The following MITF variants were observed in gnomAD, a reference collection of about 807,000 sequenced individuals.
MITF encodes the protein microphthalmia-associated transcription factor.
MITF carries 17 observed loss-of-function variants against 60.5 expected under a neutral mutation model. The ratio of observed to expected loss-of-function variants is 0.28; its 90% CI spans 0.19 to 0.42. The LOEUF (loss-of-function observed/expected upper bound fraction) is 0.42, where lower values mean the gene tolerates loss of function less well. Among genes scored for constraint, MITF ranks in the 10% least tolerant of loss-of-function variants. The probability of loss-of-function intolerance (pLI) is 1.00; values close to 1 mark genes in which losing one functional copy is unlikely to be tolerated. For missense variants in MITF, 622 were observed against 683.5 expected (o/e 0.91, Z 1.00); for synonymous variants, 260 against 248.5 (o/e 1.05, Z -0.43).
At chr3:69,776,814 A>G (rs755488047) in intron 1 of MITF, among the ~76,000 whole-genome samples, 2 of 152,202 alleles carry the variant, frequency 1.3e-5, no homozygotes, top group Non-Finnish European at 2.9e-5. Flanking sequence ...ACTCATAGCA[A>G]AGACTTTTCT....
chr3:69,827,793 T>A (rs548400705), intron 1 of MITF, among the ~76,000 whole-genome samples: 1 of 152,182 alleles, frequency 6.6e-6, no homozygotes, highest in Non-Finnish European at 1.5e-5. Flanking sequence ...ATGCACAAGA[T>A]ATACAGAAGA....
intron 1 of MITF, among the ~76,000 whole-genome samples, chr3:69,846,982 A>G (rs147808537): frequency 6.6e-6 from 1 of 151,990 alleles, no homozygotes; most frequent in African/African-American, 2.4e-5. Context: ...ACTTAGCAAG[A>G]CACATCTACA....
At chr3:69,869,767 G>T (rs1259770486) in intron 1 of MITF, among the ~76,000 whole-genome samples, 1 of 152,092 alleles carries the variant, frequency 6.6e-6, no homozygotes. Flanking sequence ...CAGCACAACT[G>T]CTTTGTCATA....
intron 1 of MITF, among the ~76,000 whole-genome samples, chr3:69,745,894 G>A (rs971531677): frequency 1.3e-5 from 2 of 152,184 alleles, no homozygotes; most frequent in Non-Finnish European, 1.5e-5. Flanking sequence ...ATGTATAAAT[G>A]TGTTTAACAT....
intron 1 of MITF, among the ~76,000 whole-genome samples, chr3:69,873,496 T>C (rs1180468984): frequency 1.3e-5 from 2 of 152,212 alleles, no homozygotes; most frequent in Non-Finnish European, 2.9e-5. Flanking sequence ...TATCAGTTCC[T>C]TTCATTTATG....
At chr3:69,793,369 A>C (rs975635328) in intron 1 of MITF, among the ~76,000 whole-genome samples, 1 of 152,132 alleles carries the variant, frequency 6.6e-6, no homozygotes, top group Non-Finnish European at 1.5e-5. Flanking sequence ...ATAGCTATCT[A>C]TGCTGTATAG....
At chr3:69,903,545 G>T (rs1559709229) in intron 2 of MITF, among the ~76,000 whole-genome samples, 1 of 152,132 alleles carries the variant, frequency 6.6e-6, no homozygotes, top group Non-Finnish European at 1.5e-5. Context: ...AGGTCATGAG[G>T]TAGCTAGGGT....
intron 1 of MITF, among the ~76,000 whole-genome samples, chr3:69,856,782 C>G (rs571839795): frequency 6.0e-5 from 9 of 151,192 alleles, no homozygotes; most frequent in Admixed American, 1.3e-4. Flanking sequence ...CTTTTTTTTT[C>G]TTCCTTGTAA....
At chr3:69,947,717 C>T (rs1220847549) in intron 5 of MITF, among the ~76,000 whole-genome samples, 3 of 152,100 alleles carry the variant, frequency 2.0e-5, no homozygotes, top group Non-Finnish European at 4.4e-5. Flanking sequence ...CTGCCTACCC[C>T]AATTCTGTTC....
At chr3:69,782,482 G>C (rs1398952040) in intron 1 of MITF, among the ~76,000 whole-genome samples, 1 of 152,098 alleles carries the variant, frequency 6.6e-6, no homozygotes, top group Admixed American at 6.6e-5. Flanking sequence ...CCATTTAATT[G>C]ATGAGAACAC....
At chr3:69,814,363 C>T (rs2063147788) in intron 1 of MITF, among the ~76,000 whole-genome samples, 1 of 152,142 alleles carries the variant, frequency 6.6e-6, no homozygotes, top group Non-Finnish European at 1.5e-5. Flanking sequence ...TGATCTCATT[C>T]TGTCACCTAG....
chr3:69,895,525 A>G (rs2107331780), intron 2 of MITF, among the ~76,000 whole-genome samples: 1 of 152,098 alleles, frequency 6.6e-6, no homozygotes, highest in East Asian at 1.9e-4. Flanking sequence ...TAAAGTCTAT[A>G]TTAAATATTT....
At chr3:69,793,467 G>A (rs772272583) in intron 1 of MITF, among the ~76,000 whole-genome samples, 2 of 106,400 alleles carry the variant, frequency 1.9e-5, no homozygotes, top group Non-Finnish European at 4.6e-5. Flanking sequence ...TGTGGAACAC[G>A]TAGCGTCCCT....
At chr3:69,877,258 G>A (rs984407589) in intron 1 of MITF, among the ~76,000 whole-genome samples, 12 of 152,026 alleles carry the variant, frequency 7.9e-5, no homozygotes, top group African/African-American at 1.2e-4. Context: ...TTTGTAAAGA[G>A]CTTTGTAATA....
chr3:69,854,903 C>T (rs1239852992), intron 1 of MITF, among the ~76,000 whole-genome samples: 17 of 152,190 alleles, frequency 1.1e-4, no homozygotes, highest in Admixed American at 1.0e-3. Flanking sequence ...AGTGAAAAGG[C>T]AGTGAGTTAC....
rs2066421777 is a variant in MITF at position 69,957,226 on chromosome 3, T to C, written c.1031+696T>C. 1.3e-5 allele frequency among the ~76,000 whole-genome samples: 2 copies of C among 152,146 alleles called. 1 individual carries two copies. Among genetic ancestry groups the C allele is most frequent in the South Asian group, 4.1e-4 (2 of 4,828 alleles). On this transcript the variant is annotated intron_variant, in intron 8 of 9. Transcript: ENST00000352241. ...CAGATAGGACAACAAACACACAGTTTTTATCCATTAGAAATTGGCCCATTT... is the reference window on the plus strand; with the variant it reads ...CAGATAGGACAACAAACACACAGTTCTTATCCATTAGAAATTGGCCCATTT...
chr3:69,942,345 A>C (rs2065987891), intron 5 of MITF, among the ~76,000 whole-genome samples: 1 of 152,146 alleles, frequency 6.6e-6, no homozygotes, highest in South Asian at 2.1e-4. Context: ...ACCATAATGA[A>C]ATTTTTTAAA....
At chr3:69,893,651 T>A (rs145848482) in intron 2 of MITF, among the ~76,000 whole-genome samples, 3 of 152,332 alleles carry the variant, frequency 2.0e-5, no homozygotes, top group Non-Finnish European at 4.4e-5. Context: ...TGGTAAAAGA[T>A]TAGGAAAGTT....
intron 8 of MITF, among the ~76,000 whole-genome samples, chr3:69,957,478 G>T (rs1378908351): frequency 6.6e-6 from 1 of 152,158 alleles, no homozygotes. Flanking sequence ...GAATGTACAA[G>T]CACAATTCCA....
Sources: allele counts gnomAD v4.1 joint callset (sites outside exome capture counted in the v4.1 genomes callset), GRCh38; gene constraint gnomAD v4.1.1; transcripts MANE v1.5; gene names NCBI Gene and HGNC (gene_info 2026-07-23, HGNC 2026-07-21).